The following NUBPL variants were observed in gnomAD, a reference collection of about 807,000 sequenced individuals.
NUBPL encodes NUBP iron-sulfur cluster assembly factor, mitochondrial.
In NUBPL, 31 loss-of-function variants were observed where a neutral mutation model predicts 45.7. The observed-to-expected ratio is 0.68, with a 90% CI of 0.51 to 0.92. The LOEUF (loss-of-function observed/expected upper bound fraction) is 0.92. NUBPL is among the 40% of genes least tolerant of loss of function. The probability of loss-of-function intolerance (pLI) is 0.00; values close to 1 mark genes in which losing one functional copy is unlikely to be tolerated. For synonymous variants in NUBPL, 144 were observed against 140.9 expected, an observed-to-expected ratio of 1.02 and a Z score of -0.15; for missense variants, 401 against 398.7, an observed-to-expected ratio of 1.01 and a Z score of -0.05.
At chr14:31,857,491 A>G (rs2040643478) in intron 10 of NUBPL, among the ~76,000 whole-genome samples, 1 of 152,184 alleles carries the variant, frequency 6.6e-6, no homozygotes, top group African/African-American at 2.4e-5. Context: ...TCCTCAGGAA[A>G]TGGGATTTTC....
chr14:31,638,829 T>C (rs1447146660), intron 4 of NUBPL, among the ~76,000 whole-genome samples: 1 of 152,238 alleles, frequency 6.6e-6, no homozygotes, highest in Non-Finnish European at 1.5e-5. Context: ...CTTCATTTCA[T>C]TCATTTCATC....
chr14:31,719,383 T>C (rs1252747749), intron 6 of NUBPL, among the ~76,000 whole-genome samples: 3 of 152,172 alleles, frequency 2.0e-5, no homozygotes, highest in South Asian at 4.1e-4. Flanking sequence ...CTCTCACTTA[T>C]AATTGCAAGT....
At chr14:31,846,338 A>G (rs2040451551) in intron 8 of NUBPL, 133 bp from the exon 9 acceptor site, 3 of 738,100 alleles carry the variant, frequency 4.1e-6, no homozygotes, top group Non-Finnish European at 7.2e-6. Context: ...AGCAGAGGCC[A>G]TAGTTTATTC....
At chr14:31,850,077 G>GA in intron 9 of NUBPL, 42 bp from the exon 10 acceptor site, 1 of 1,480,522 alleles carries the variant, frequency 6.8e-7, no homozygotes, top group East Asian at 2.3e-5. Flanking sequence ...ATGCCTATAT[G>GA]AACTTTTCTG....
At chr14:31,800,985 A>G (rs1014855813) in intron 7 of NUBPL, 1 of 152,202 alleles carries the variant, frequency 6.6e-6, no homozygotes, top group Admixed American at 6.5e-5. Flanking sequence ...AAGGAAACCA[A>G]CCAGAGATGG....
intron 4 of NUBPL, among the ~76,000 whole-genome samples, chr14:31,640,475 C>G (rs1368319085): frequency 6.6e-6 from 1 of 151,902 alleles, no homozygotes; most frequent in African/African-American, 2.4e-5. Context: ...AAAATTAGGG[C>G]ATGGTGGTGA....
intron 4 of NUBPL, among the ~76,000 whole-genome samples, chr14:31,617,110 TG>T (rs1384870569): frequency 1.3e-5 from 2 of 152,228 alleles, no homozygotes; most frequent in African/African-American, 4.8e-5. Context: ...TTGTGATTTT[TG>T]CACATTGGTT....
chr14:31,766,682 G>A (rs760700527), intron 6 of NUBPL, among the ~76,000 whole-genome samples: 26 of 152,262 alleles, frequency 1.7e-4, no homozygotes, highest in Middle Eastern at 3.4e-3. Flanking sequence ...TCTCACAACT[G>A]TAAAGTCTCA....
rs141324549 is a variant in NUBPL, at chr14:31,811,351, G to T, written c.608-15278G>T. On this transcript the variant is annotated intron_variant, in intron 7 of 10. Transcript: ENST00000281081. ...CTTTTTTCTCTAAACTTCTCTTCTG[G>T]CTTCATTTCTTCAATTTGATCTTCA... is the stretch of plus-strand genomic sequence containing the variant. 8.0e-3 allele frequency among the ~76,000 whole-genome samples: 1,210 copies of T among 152,020 alleles called. 15 individuals are homozygous for T. Among genetic ancestry groups the T allele is most frequent in the African/African-American group, 0.028 (1,141 of 41,452 alleles).
intron 7 of NUBPL, among the ~76,000 whole-genome samples, chr14:31,826,321 A>G (rs1346421732): frequency 2.0e-5 from 3 of 151,680 alleles, no homozygotes; most frequent in African/African-American, 7.3e-5. Flanking sequence ...GGGTTTCACC[A>G]TGTTAGCCAG....
chr14:31,751,198 A>C (rs111598291), intron 6 of NUBPL, among the ~76,000 whole-genome samples: 1,624 of 152,314 alleles, frequency 0.011, 24 homozygotes, highest in African/African-American at 0.037. Flanking sequence ...GTCCCTCCCA[A>C]ATCTCATGTC....
intron 4 of NUBPL, among the ~76,000 whole-genome samples, chr14:31,653,424 C>T (rs1223262461): frequency 6.6e-6 from 1 of 152,098 alleles, no homozygotes; most frequent in East Asian, 1.9e-4. Context: ...AATTCTTTTC[C>T]TAGGGTCTTA....
chr14:31,846,435 T>A (rs940079020), intron 8 of NUBPL, 36 bp from the exon 9 acceptor site: 24 of 1,563,650 alleles, frequency 1.5e-5, no homozygotes, highest in Admixed American at 1.4e-4. Context: ...ATATTTGGTT[T>A]AATTTTATTT....
chr14:31,682,080 T>C (rs922228721), intron 6 of NUBPL, among the ~76,000 whole-genome samples: 16 of 152,268 alleles, frequency 1.1e-4, no homozygotes, highest in African/African-American at 3.4e-4. Flanking sequence ...TTTGTAACTT[T>C]ATTGATTTGT....
chr14:31,577,613 C>T (rs1339234158), intron 3 of NUBPL, among the ~76,000 whole-genome samples: 7 of 152,180 alleles, frequency 4.6e-5, no homozygotes, highest in Admixed American at 2.0e-4. Context: ...TGAATTTTGC[C>T]ATGTTGGCCA....
At chr14:31,665,965 A>G (rs938132367) in intron 4 of NUBPL, among the ~76,000 whole-genome samples, 1 of 151,662 alleles carries the variant, frequency 6.6e-6, no homozygotes, top group African/African-American at 2.4e-5. Context: ...GCATTGATCC[A>G]TTTACTATTA....
intron 4 of NUBPL, among the ~76,000 whole-genome samples, chr14:31,638,010 A>G (rs949943870): frequency 6.6e-6 from 1 of 152,176 alleles, no homozygotes; most frequent in African/African-American, 2.4e-5. Context: ...TTTCCTGAAT[A>G]CAGCACACGG....
chr14:31,851,022 T>C (rs1202682125), intron 10 of NUBPL, among the ~76,000 whole-genome samples: 2 of 152,184 alleles, frequency 1.3e-5, no homozygotes, highest in Non-Finnish European at 2.9e-5. Flanking sequence ...GTTGGAGATA[T>C]AGTTGATAGA....
chr14:31,676,109 G>A (rs747832946), intron 6 of NUBPL, among the ~76,000 whole-genome samples: 19 of 151,018 alleles, frequency 1.3e-4, no homozygotes, highest in Non-Finnish European at 2.4e-4. Flanking sequence ...TGCAACCTCC[G>A]CCTCCCAGGT....
Sources: allele counts gnomAD v4.1 joint callset (sites outside exome capture counted in the v4.1 genomes callset), GRCh38; gene constraint gnomAD v4.1.1; transcripts MANE v1.5; gene names NCBI Gene and HGNC (gene_info 2026-07-23, HGNC 2026-07-21).